GRK1: variants seen among roughly 807,000 people sequenced by gnomAD.
The protein encoded by GRK1 is G protein-coupled receptor kinase 1.
GRK1 carries 28 observed loss-of-function variants against 41.7 expected under a neutral mutation model. The ratio of observed to expected loss-of-function variants is 0.67; its 90% CI spans 0.50 to 0.92. The LOEUF (loss-of-function observed/expected upper bound fraction) is 0.92. Ranked by LOEUF, GRK1 falls within the 40% of genes least tolerant of loss-of-function variation. The probability of loss-of-function intolerance (pLI) is 0.00; values close to 1 mark genes in which losing one functional copy is unlikely to be tolerated. For synonymous variants in GRK1, 327 were observed against 286.7 expected (o/e 1.14, Z -1.42); for missense variants, 703 against 671.2 (o/e 1.05, Z -0.52).
chr13:113,653,278 C>G, the GRK1 span: 2 of 1,581,018 alleles, frequency 1.3e-6, no homozygotes, highest in Non-Finnish European at 1.7e-6. Flanking sequence ...TCACACCTCA[C>G]CCACCCGCCG....
At chr13:113,733,981 T>TAC (rs1491236087) in intron 6 of GRK1, among the ~76,000 whole-genome samples, 7,266 of 137,068 alleles carry the variant, frequency 0.053, 292 homozygotes, top group Middle Eastern at 0.08. Flanking sequence ...TGTGTGCGCA[T>TAC]GTGTGTGCAT....
At chr13:113,728,001 T>G (rs372510533) in intron 4 of GRK1, among the ~76,000 whole-genome samples, 44 of 24,352 alleles carry the variant, frequency 1.8e-3, no homozygotes, top group Admixed American at 3.0e-3. Context: ...TGGCGATGAG[T>G]ACCCATGGCG....
intron 2 of GRK1, 161 bp downstream of exon 2, chr13:113,669,975 T>A: frequency 4.7e-6 from 2 of 422,552 alleles, no homozygotes; most frequent in Non-Finnish European, 6.3e-6. Flanking sequence ...TGTTGGTTCC[T>A]GAAACAATGC....
the GRK1 span, among the ~76,000 whole-genome samples, chr13:113,658,399 C>T: frequency 3.3e-5 from 5 of 152,270 alleles, no homozygotes; most frequent in African/African-American, 7.2e-5. Context: ...GCTCTTGGGA[C>T]GCCCTTGGCT....
intron 5 of GRK1, 95 bp from the exon 6 acceptor site, chr13:113,732,789 G>A (rs2049946422): frequency 7.4e-7 from 1 of 1,358,076 alleles, no homozygotes; most frequent in African/African-American, 1.4e-5. Flanking sequence ...CACCCGCGTG[G>A]GTGAGCGGTG....
At chr13:113,658,027 A>G in the GRK1 span, 1 of 1,593,882 alleles carries the variant, frequency 6.3e-7, no homozygotes, top group Non-Finnish European at 8.5e-7. Context: ...CGCCCCCCGC[A>G]CGTACCCCAC....
At chr13:113,656,670 C>G in the GRK1 span, among the ~76,000 whole-genome samples, 2 of 152,202 alleles carry the variant, frequency 1.3e-5, no homozygotes, top group African/African-American at 4.8e-5. Context: ...GTAAGAATAA[C>G]GTGTCCTATT....
At chr13:113,649,166 CTG>C in the GRK1 span, 19 of 467,864 alleles carry the variant, frequency 4.1e-5, no homozygotes, top group Non-Finnish European at 7.0e-5. This position sits in a 1 kb window ranked among gnomAD's most constrained non-coding sequence, Gnocchi z 4.7. Flanking sequence ...CATCTAAAAA[CTG>C]TAAGAATTCA....
chr13:113,671,674 C>T lies in GRK1; in HGVS notation c.985+18C>T. On this transcript the variant is annotated intron_variant, in intron 3 of 6. Coordinates refer to ENST00000335678, the MANE Select transcript of GRK1 (RefSeq NM_002929.3). This position sits in a 1 kb window ranked among gnomAD's most constrained non-coding sequence, Gnocchi z 4.1. ...CAATGACGGTAGGAGGTGCCCTCGG[C>T]TGGGAGGGATGAGGGCTACGAGGAG... is the stretch of plus-strand genomic sequence containing the variant. The T allele has an allele frequency of 1.4e-6, 1 of 737,866 alleles. No individual in the cohort carries two copies. The highest frequency in any genetic ancestry group is 1.4e-5 in the South Asian group (1 of 71,354). The allele number at this position is 737,866 out of a possible 1,614,324, so 45.7% of individuals were successfully genotyped here.
At chr13:113,653,241 CG>C in the GRK1 span, 1 of 1,350,054 alleles carries the variant, frequency 7.4e-7, no homozygotes, top group Non-Finnish European at 1.0e-6. Context: ...ACCCACCCGC[CG>C]CTTCACACCT....
intron 4 of GRK1, among the ~76,000 whole-genome samples, chr13:113,725,095 G>C (rs2049882599): frequency 6.6e-6 from 1 of 152,258 alleles, no homozygotes; most frequent in Admixed American, 6.5e-5. Context: ...AGATGCTGCC[G>C]TCAGGGTGCA....
In GRK1 at chr13:113,731,676, G is replaced by T. The variant is rs2049938420; in HGVS notation, c.1194+333G>T. Among the ~76,000 whole-genome samples the T allele has an allele frequency of 6.6e-6, 1 of 152,188 alleles. No homozygotes were observed. The highest frequency in any genetic ancestry group is 1.5e-5 in the Non-Finnish European group (1 of 68,024). ...TGTGGGGGCCGGTCCCTCTGGTGCA[G>T]ACCGGAGGAGGGAGGGCGACTTATC... On this transcript the variant is annotated intron_variant, in intron 5 of 6. Transcript: ENST00000335678. This position sits in a 1 kb window ranked among gnomAD's most constrained non-coding sequence, Gnocchi z 5.6.
intron 4 of GRK1, among the ~76,000 whole-genome samples, chr13:113,724,057 CA>C (rs2049874686): frequency 6.6e-6 from 1 of 152,184 alleles, no homozygotes; most frequent in South Asian, 2.1e-4. Context: ...CTGCCTCCCC[CA>C]TCCCGTGTCA....
chr13:113,670,122 C>G (rs779620028), intron 2 of GRK1, among the ~76,000 whole-genome samples: 1 of 152,184 alleles, frequency 6.6e-6, no homozygotes. Flanking sequence ...GGCGGGGCCT[C>G]TGCAGGGCTG....
intron 4 of GRK1, among the ~76,000 whole-genome samples, chr13:113,728,357 G>A (rs1274085615): frequency 1.5e-5 from 2 of 134,072 alleles, no homozygotes; most frequent in Admixed American, 1.4e-4. Flanking sequence ...GAGTACCCAT[G>A]GCGATGAGGA....
Position 113,733,045 on chromosome 13 carries a change from C to A in GRK1, c.1356C>A (p.His452Gln). The part of the protein sequence containing the change: ...RDETCDKLRA[H>Q]PLFKDLNWRQ... ...AGACCTGCGACAAGCTCCGTGCCCA[C>A]CCCCTCTTCAAGGACCTTAACTGGA... Residue 452 changes from histidine to glutamine, a missense_variant, in exon 6 of 7, where the codon CAC (histidine) becomes CAA (glutamine). Coordinates refer to ENST00000335678, the MANE Select transcript of GRK1 (RefSeq NM_002929.3). 6.5e-7 allele frequency: 1 copy of A among 1,537,052 alleles called. No individual in the cohort carries two copies. Among genetic ancestry groups the A allele is most frequent in the Non-Finnish European group, 8.7e-7 (1 of 1,146,912 alleles).
At position 113,733,024 on chromosome 13, in the gene GRK1, C is replaced by T. The variant is rs1182113070; in HGVS notation, c.1335C>T (p.Thr445=). The T allele has an allele frequency of 3.9e-6, 6 of 1,536,956 alleles. No homozygotes were observed. Among genetic ancestry groups the T allele is most frequent in the Non-Finnish European group, 4.4e-6 (5 of 1,146,912 alleles). Residue 445 remains threonine (T), a synonymous_variant, in exon 6 of 7, where the codon ACC becomes ACT. Coordinates refer to ENST00000335678, the MANE Select transcript of GRK1 (RefSeq NM_002929.3). ...PEKRLGFRDE[T]CDKLRAHPLF... is the part of the protein sequence containing the mutation. ...AGCGCCTGGGGTTCAGAGATGAGAC[C>T]TGCGACAAGCTCCGTGCCCACCCCC...
chr13:113,654,219 A>T, the GRK1 span, among the ~76,000 whole-genome samples: 1 of 152,162 alleles, frequency 6.6e-6, no homozygotes, highest in East Asian at 1.9e-4. Flanking sequence ...TTAAGAGTAA[A>T]ATCTATACGT....
Position 113,731,158 on chromosome 13 carries a change from T to C in GRK1, c.1070-61T>C. ...CCCAGAGCATCAGTCCTGCGATTCCTGGAGTGCGTGCCCACCATGGAGGTG... is the reference window on the plus strand; with the variant it reads ...CCCAGAGCATCAGTCCTGCGATTCCCGGAGTGCGTGCCCACCATGGAGGTG... On this transcript the variant is annotated intron_variant, in intron 4 of 6. Transcript: ENST00000335678. The surrounding 1 kb of genome is among the most constrained non-coding windows in gnomAD (Gnocchi z 5.6). The C allele has an allele frequency of 6.6e-7, 1 of 1,516,098 alleles. No individual in the cohort carries two copies. The highest frequency in any genetic ancestry group is 8.8e-7 in the Non-Finnish European group (1 of 1,132,684). The allele number at this position is 1,516,098 out of a possible 1,614,324, so 93.9% of individuals were successfully genotyped here.
Sources: allele counts gnomAD v4.1 joint callset (sites outside exome capture counted in the v4.1 genomes callset), GRCh38; gene constraint gnomAD v4.1.1; non-coding constraint Gnocchi (gnomAD v3.1); transcripts MANE v1.5; gene names NCBI Gene and HGNC (gene_info 2026-07-23, HGNC 2026-07-21).